The following CLRN1 variants were observed in gnomAD, a reference collection of about 807,000 sequenced individuals.
CLRN1 encodes the protein clarin 1, also known as clarin-1.
Under a neutral mutation model 18.7 loss-of-function variants are expected in CLRN1, and 15 were observed. The ratio of observed to expected loss-of-function variants is 0.80; its 90% CI spans 0.54 to 1.23. The LOEUF is 1.23. CLRN1 is among the 50% of genes most tolerant of loss of function. The probability of loss-of-function intolerance (pLI) is 0.00; values close to 1 mark genes in which losing one functional copy is unlikely to be tolerated. For missense variants in CLRN1, 311 were observed against 277.5 expected (o/e 1.12, Z -0.86); for synonymous variants, 104 against 102.9 (o/e 1.01, Z -0.07).
In CLRN1 at chr3:150,927,017, A is replaced by C. The variant is rs1336401865; in HGVS notation, c.*919T>G. 7.1e-7 allele frequency: 1 copy of C among 1,412,472 alleles called. No individual in the cohort carries two copies. The highest frequency in any genetic ancestry group is 2.0e-5 in the Admixed American group (1 of 50,874). The allele number at this position is 1,412,472 out of a possible 1,614,324, so 87.5% of individuals were successfully genotyped here. Reference sequence around the variant, plus strand: ...ATAATTTTCATAATTGCATATTAGTACTCGAGACACTATAGCTAGAAAAAC... The same window carrying C: ...ATAATTTTCATAATTGCATATTAGTCCTCGAGACACTATAGCTAGAAAAAC... On this transcript the variant is annotated 3_prime_UTR_variant, in exon 3 of 3. Transcript: ENST00000327047.
chr3:150,960,132 A>C (rs1199278725), intron 1 of CLRN1, among the ~76,000 whole-genome samples: 1 of 152,226 alleles, frequency 6.6e-6, no homozygotes, highest in African/African-American at 2.4e-5. Flanking sequence ...GTTGGTCTCG[A>C]TATCTCAGTT....
intron 2 of CLRN1, among the ~76,000 whole-genome samples, chr3:150,930,959 T>C (rs1713102538): frequency 6.6e-6 from 1 of 152,206 alleles, no homozygotes; most frequent in African/African-American, 2.4e-5. Context: ...CAAAGTGTGC[T>C]GTCTGGTAGT....
At position 150,926,922 on chromosome 3, in the gene CLRN1, G is replaced by T; in HGVS notation, c.*1014C>A. On this transcript the variant is annotated 3_prime_UTR_variant, in exon 3 of 3. Transcript: ENST00000327047. ...TCAGGGGAAAAAAAAAGTTGACCTG[G>T]GTCATGCTTGGTGACAGCCAGAACA... 6.2e-7 allele frequency: 1 copy of T among 1,613,848 alleles called. No homozygotes were observed. The highest frequency in any genetic ancestry group is 8.5e-7 in the Non-Finnish European group (1 of 1,179,908).
At position 150,961,238 on chromosome 3, in the gene CLRN1, C is replaced by A. The variant is rs528527013; in HGVS notation, c.253+11218G>T. ...TAAGGGCTTCTAACTCTTGGCCTCA[C>A]CTGTCTTGGCCACCATCCACCTCAG... On this transcript the variant is annotated intron_variant, in intron 1 of 2. Transcript: ENST00000327047. 3.9e-5 allele frequency among the ~76,000 whole-genome samples: 6 copies of A among 152,290 alleles called. No homozygotes were observed. The South Asian group carries it at 1.2e-3, about 32-fold the overall frequency.
chr3:150,959,628 CAAAAA>C (rs202231765), intron 1 of CLRN1, among the ~76,000 whole-genome samples: 1 of 87,652 alleles, frequency 1.1e-5, no homozygotes, highest in African/African-American at 3.9e-5. Context: ...GACTTTGTCT[CAAAAA>C]AAAAAAAAAA....
At chr3:150,951,377 G>C (rs978443642) in intron 1 of CLRN1, among the ~76,000 whole-genome samples, 3 of 151,874 alleles carry the variant, frequency 2.0e-5, no homozygotes, top group African/African-American at 7.3e-5. Context: ...TCACTCCATT[G>C]CCCAGGCTGG....
In CLRN1 at chr3:150,927,764, T is replaced by A. The variant is rs756493604; in HGVS notation, c.*172A>T. 3.4e-5 allele frequency: 31 copies of A among 916,694 alleles called. No homozygotes were observed. In the South Asian group the frequency reaches 4.3e-4, roughly 13 times the overall value. The allele number at this position is 916,694 out of a possible 1,614,324, so 56.8% of individuals were successfully genotyped here. A position where few individuals can be genotyped will look rare whatever the true frequency, so the allele number is the denominator to read the frequency against. ...TAAAACAACTTTTCAAAGCCTTCCT[T>A]CTGCTTCCCTTACTTTCCAGCCTGT... On this transcript the variant is annotated 3_prime_UTR_variant, in exon 3 of 3. Coordinates refer to ENST00000327047, the MANE Select transcript of CLRN1 (RefSeq NM_174878.3).
intron 1 of CLRN1, among the ~76,000 whole-genome samples, chr3:150,950,806 G>A (rs1486771701): frequency 2.0e-5 from 3 of 151,974 alleles, no homozygotes. Flanking sequence ...ACTACCAGAA[G>A]AATAGAAATC....
At chr3:150,933,987 A>G (rs1294236204) in intron 2 of CLRN1, among the ~76,000 whole-genome samples, 1 of 152,150 alleles carries the variant, frequency 6.6e-6, no homozygotes, top group East Asian at 1.9e-4. Flanking sequence ...TTTTCCTGCC[A>G]CAAATCCTTT....
intron 1 of CLRN1, among the ~76,000 whole-genome samples, chr3:150,953,811 C>A (rs1052965811): frequency 2.0e-5 from 3 of 152,184 alleles, no homozygotes; most frequent in Non-Finnish European, 1.5e-5. Flanking sequence ...AGTCACCACA[C>A]CCGGCCAAGT....
chr3:150,932,999 A>T (rs1432744724), intron 2 of CLRN1, among the ~76,000 whole-genome samples: 1 of 152,266 alleles, frequency 6.6e-6, no homozygotes, highest in Non-Finnish European at 1.5e-5. Context: ...TACAAATGTT[A>T]TATTATTGAG....
chr3:150,958,524 G>T (rs1413044768), intron 1 of CLRN1, among the ~76,000 whole-genome samples: 1 of 152,152 alleles, frequency 6.6e-6, no homozygotes, highest in East Asian at 1.9e-4. Flanking sequence ...TTCCTCTCCA[G>T]TCTTACCTTT....
rs12635299 is a variant in CLRN1 at position 150,927,052 on chromosome 3, T to G, written c.*884A>C. ...CTATAGCTAGAAAAACAGCCCCTAA[T>G]AAGTCATTTTGCATCAAATGTACTA... is the stretch of plus-strand genomic sequence containing the variant. On this transcript the variant is annotated 3_prime_UTR_variant, in exon 3 of 3. Coordinates refer to ENST00000327047, the MANE Select transcript of CLRN1 (RefSeq NM_174878.3). The G allele has an allele frequency of 0.063, 67,716 of 1,081,344 alleles. 3,940 individuals are homozygous for G. The highest frequency in any genetic ancestry group is 0.29 in the East Asian group (11,164 of 38,666). The allele number at this position is 1,081,344 out of a possible 1,614,324, so 67.0% of individuals were successfully genotyped here.
chr3:150,965,405 C>A (rs1252318189), intron 1 of CLRN1, among the ~76,000 whole-genome samples: 2 of 152,112 alleles, frequency 1.3e-5, no homozygotes, highest in Non-Finnish European at 2.9e-5. Context: ...TTATCAATAT[C>A]ATTCTATCAT....
At chr3:150,941,968 A>T (rs1713873834) in intron 1 of CLRN1, among the ~76,000 whole-genome samples, 1 of 152,344 alleles carries the variant, frequency 6.6e-6, no homozygotes, top group South Asian at 2.1e-4. Flanking sequence ...AAAAATTAGC[A>T]AAGAGGAGAT....
chr3:150,957,881 A>G (rs185719452), intron 1 of CLRN1, among the ~76,000 whole-genome samples: 21 of 149,650 alleles, frequency 1.4e-4, no homozygotes, highest in African/African-American at 3.9e-4. Context: ...CTGGTCTTGA[A>G]CTCCTGATCT....
intron 1 of CLRN1, among the ~76,000 whole-genome samples, chr3:150,956,599 G>C (rs1714746657): frequency 6.6e-6 from 1 of 152,154 alleles, no homozygotes; most frequent in Non-Finnish European, 1.5e-5. Flanking sequence ...TTACGAAACA[G>C]AGCTGAGTAA....
At chr3:150,933,721 G>A (rs182766114) in intron 2 of CLRN1, among the ~76,000 whole-genome samples, 1 of 152,244 alleles carries the variant, frequency 6.6e-6, no homozygotes, top group East Asian at 1.9e-4. Flanking sequence ...AAATGATTAA[G>A]CATTTCCTTG....
chr3:150,972,741 A>G (rs1438785706), upstream of CLRN1: 5 of 1,613,930 alleles, frequency 3.1e-6, no homozygotes, highest in Non-Finnish European at 4.2e-6. Context: ...GGCGAGGTTC[A>G]AAAACAAGAC....
Sources: gnomAD v4.1 joint callset for allele counts (sites outside exome capture counted in the v4.1 genomes callset) on GRCh38, gnomAD v4.1.1 for gene constraint, MANE v1.5 for transcripts, NCBI Gene and HGNC (gene_info 2026-07-23, HGNC 2026-07-21) for gene names.